TRIM23: variants seen among roughly 807,000 people sequenced by gnomAD.
TRIM23 encodes the protein tripartite motif containing 23, also known as E3 ubiquitin-protein ligase TRIM23.
TRIM23 carries 27 observed loss-of-function variants against 71.0 expected under a neutral mutation model. The observed-to-expected ratio is 0.38, with a 90% confidence interval of 0.28 to 0.52. The LOEUF is 0.52. TRIM23 is among the 20% of genes least tolerant of loss of function. The pLI, the probability that TRIM23 is intolerant of heterozygous loss-of-function variation, is 0.84. For missense variants in TRIM23, 482 were observed against 692.3 expected, an observed-to-expected ratio of 0.70 and a Z score of 3.41; for synonymous variants, 234 against 238.0, an observed-to-expected ratio of 0.98 and a Z score of 0.16.
chr5:65,623,673 T>C (rs1310903045), intron 1 of TRIM23, among the ~76,000 whole-genome samples: 2 of 152,158 alleles, frequency 1.3e-5, no homozygotes, highest in African/African-American at 2.4e-5. Flanking sequence ...CAATAACAGA[T>C]GTCTGATTAC....
intron 1 of TRIM23, 142 bp downstream of exon 1, chr5:65,624,052 G>T: frequency 2.3e-6 from 2 of 868,490 alleles, no homozygotes; most frequent in Non-Finnish European, 3.6e-6. Flanking sequence ...GCAGAGGACA[G>T]GACGAGACTT....
intron 10 of TRIM23, among the ~76,000 whole-genome samples, chr5:65,594,008 C>T (rs933249416): frequency 5.9e-5 from 9 of 152,176 alleles, no homozygotes; most frequent in Admixed American, 1.3e-4. Flanking sequence ...CACTGTCAGA[C>T]CTTTACAGCA....
rs747647089 is a variant in TRIM23 at position 65,618,123 on chromosome 5, A to C, written c.214T>G (p.Cys72Gly). ...RLPLHGRAIR[C>G]PFDRQVTDLG... ...TCTGTTACTTGTCGATCAAATGGGC[A>C]ACGGATTGCTCTTCCATGAAGAGGT... Residue 72 changes from cysteine (C) to glycine (G), a missense_variant, in exon 2 of 11, where the codon TGC (cysteine) becomes GGC (glycine). Coordinates refer to ENST00000231524, the MANE Select transcript of TRIM23 (RefSeq NM_001656.4). The C allele has an allele frequency of 6.2e-7, 1 of 1,613,492 alleles. No homozygotes were observed.
intron 7 of TRIM23, among the ~76,000 whole-genome samples, chr5:65,603,875 A>G (rs1754426879): frequency 6.6e-6 from 1 of 152,196 alleles, no homozygotes; most frequent in South Asian, 2.1e-4. Flanking sequence ...ACAATCTGAG[A>G]AATTTGAATA....
intron 2 of TRIM23, 80 bp from the exon 3 acceptor site, chr5:65,614,299 C>A (rs1754727684): frequency 1.5e-6 from 2 of 1,374,018 alleles, no homozygotes; most frequent in Non-Finnish European, 2.0e-6. Context: ...AAAGTAATTT[C>A]TAATATAGTT....
chr5:65,616,874 AC>A (rs1754791436), intron 2 of TRIM23, among the ~76,000 whole-genome samples: 1 of 151,688 alleles, frequency 6.6e-6, no homozygotes, highest in Non-Finnish European at 1.5e-5. Flanking sequence ...GGCATCCACC[AC>A]CATGCCTAGC....
chr5:65,599,607 T>C (rs1033072209), intron 7 of TRIM23, among the ~76,000 whole-genome samples: 5 of 152,148 alleles, frequency 3.3e-5, no homozygotes, highest in Non-Finnish European at 5.9e-5. Flanking sequence ...AAGACATAAA[T>C]AGACATTCCA....
chr5:65,602,641 C>T (rs1031064880), intron 7 of TRIM23, among the ~76,000 whole-genome samples: 1 of 152,054 alleles, frequency 6.6e-6, no homozygotes, highest in Non-Finnish European at 1.5e-5. Flanking sequence ...AGGACATACC[C>T]GAAACTGGGA....
intron 4 of TRIM23, among the ~76,000 whole-genome samples, 194 bp from the exon 5 acceptor site, chr5:65,611,237 G>A (rs40198): frequency 0.62 from 94,307 of 151,950 alleles, 29,516 homozygotes; most frequent in South Asian, 0.65. Flanking sequence ...TTGGAAGTCC[G>A]TTTATTGCTA....
Position 65,590,366 on chromosome 5 carries a change from C to CTT in TRIM23, c.*1401_*1402dup. 24 of 1,364,042 alleles carry CTT rather than the reference C, an allele frequency of 1.8e-5. No homozygotes were observed. Among genetic ancestry groups the CTT allele is most frequent in the South Asian group, 1.3e-4 (8 of 60,842 alleles). The allele number at this position is 1,364,042 out of a possible 1,614,324, so 84.5% of individuals were successfully genotyped here. A position where few individuals can be genotyped will look rare whatever the true frequency, so the allele number is the denominator to read the frequency against. The stretch of plus-strand genomic sequence containing the variant: ...ACATATTGCCCATAATACTGATAGG[C>CTT]TTTTTTTTTAATGCTTTGTTTTCTA... On this transcript the variant is annotated 3_prime_UTR_variant, in exon 11 of 11. Transcript: ENST00000231524.
rs140224005 is a variant in TRIM23 at position 65,617,557 on chromosome 5, G to A, written c.244+536C>T. ...CTGAAAATAACTTAGTTTGAAATAC[G>A]TAAAGAAAAGTTTTAAAAGTATACA... On this transcript the variant is annotated intron_variant, in intron 2 of 10. Coordinates refer to ENST00000231524, the MANE Select transcript of TRIM23 (RefSeq NM_001656.4). Among the ~76,000 whole-genome samples, 288 of 152,110 alleles carry A rather than the reference G, an allele frequency of 1.9e-3. 3 individuals are homozygous for A. The highest frequency in any genetic ancestry group is 6.8e-3 in the African/African-American group (284 of 41,526).
intron 1 of TRIM23, among the ~76,000 whole-genome samples, chr5:65,621,438 C>A (rs1009845493): frequency 1.3e-5 from 2 of 152,168 alleles, no homozygotes; most frequent in African/African-American, 4.8e-5. Context: ...AAATTTATGA[C>A]AATAAACTCC....
intron 9 of TRIM23, among the ~76,000 whole-genome samples, chr5:65,594,881 A>G (rs75090530): frequency 0.01 from 1,563 of 152,294 alleles, 31 homozygotes; most frequent in African/African-American, 0.035. Flanking sequence ...GATTTACAAC[A>G]CTTGCTCTAT....
chr5:65,604,823 G>GGT, intron 7 of TRIM23, 88 bp downstream of exon 7: 2 of 1,276,116 alleles, frequency 1.6e-6, no homozygotes, highest in Non-Finnish European at 2.1e-6. Flanking sequence ...TGAATTTCAT[G>GGT]GTTGTCTCTT....
rs150106276 is a variant in TRIM23, at chr5:65,591,862, C to T, written c.1632G>A (p.Gln544=). ...KLCCGRSWYI[Q]GCDARSGMGL... ...CCATACCACTTCGAGCATCACAGCC[C>T]TGAATATACCAGCTACGGCCACAGC... Residue 544 remains glutamine (Q), a synonymous_variant, in exon 11 of 11, where the codon CAG becomes CAA. Coordinates refer to ENST00000231524, the MANE Select transcript of TRIM23 (RefSeq NM_001656.4). 2.0e-5 allele frequency: 33 copies of T among 1,613,882 alleles called. No homozygotes were observed. The highest frequency in any genetic ancestry group is 2.7e-5 in the African/African-American group (2 of 74,888).
intron 8 of TRIM23, 34 bp from the exon 9 acceptor site, chr5:65,596,565 T>C (rs1047737827): frequency 7.7e-7 from 1 of 1,291,324 alleles, no homozygotes; most frequent in Non-Finnish European, 1.1e-6. Flanking sequence ...TTATACTATA[T>C]TTGTATTTAC....
chr5:65,617,313 C>CT (rs1754801576), intron 2 of TRIM23, among the ~76,000 whole-genome samples: 1 of 152,066 alleles, frequency 6.6e-6, no homozygotes, highest in Non-Finnish European at 1.5e-5. Context: ...CTCTTGCTTC[C>CT]TTTTTTGGTG....
At position 65,591,374 on chromosome 5, in the gene TRIM23, TG is replaced by T. The variant is rs1458939211; in HGVS notation, c.*394del. The T allele has an allele frequency of 4.6e-6, 7 of 1,532,798 alleles. No individual in the cohort carries two copies. The African/African-American group carries it at 8.5e-5, about 19-fold the overall frequency. 94.9% of individuals were successfully genotyped at this position (1,532,798 alleles called of 1,614,324 possible). A position where few individuals can be genotyped will look rare whatever the true frequency, so the allele number is the denominator to read the frequency against. ...TTAAAAGAAGCAGCTATACTTCACT[TG>T]CTTCACACAGAGGTCTCATTAGGCA... On this transcript the variant is annotated 3_prime_UTR_variant, in exon 11 of 11. Coordinates refer to ENST00000231524, the MANE Select transcript of TRIM23 (RefSeq NM_001656.4).
At chr5:65,623,384 G>C (rs1467953302) in intron 1 of TRIM23, among the ~76,000 whole-genome samples, 1 of 152,172 alleles carries the variant, frequency 6.6e-6, no homozygotes, top group African/African-American at 2.4e-5. Flanking sequence ...CAATCTCTTA[G>C]ATTAGAGATG....
Sources: allele counts gnomAD v4.1 joint callset (sites outside exome capture counted in the v4.1 genomes callset), GRCh38; gene constraint gnomAD v4.1.1; transcripts MANE v1.5; gene names NCBI Gene and HGNC (gene_info 2026-07-23, HGNC 2026-07-21).